The following CREB3L2 variants were observed in gnomAD, a reference collection of about 807,000 sequenced individuals.
CREB3L2 encodes cyclic AMP-responsive element-binding protein 3-like protein 2.
A neutral mutation model predicts 57.2 loss-of-function variants in CREB3L2; 23 were observed. The observed-to-expected ratio is 0.40, with a 90% CI of 0.29 to 0.57. The LOEUF (loss-of-function observed/expected upper bound fraction) is 0.57. Among genes scored for constraint, CREB3L2 ranks in the 20% least tolerant of loss-of-function variants. The pLI is 0.42. For missense variants in CREB3L2, 628 were observed against 634.7 expected, an observed-to-expected ratio of 0.99 and a Z score of 0.11; for synonymous variants, 268 against 265.1, an observed-to-expected ratio of 1.01 and a Z score of -0.11.
intron 1 of CREB3L2, among the ~76,000 whole-genome samples, chr7:137,995,994 C>A (rs1011285900): frequency 3.9e-5 from 6 of 152,106 alleles, no homozygotes; most frequent in Non-Finnish European, 8.8e-5. Flanking sequence ...AAGGGAAATC[C>A]TCTAGATCAT....
chr7:137,996,301 C>T (rs1801987501), intron 1 of CREB3L2, among the ~76,000 whole-genome samples: 1 of 152,190 alleles, frequency 6.6e-6, no homozygotes, highest in South Asian at 2.1e-4. Context: ...GGAAAGAGAA[C>T]ATTACAGTGA....
At chr7:137,908,570 G>T in intron 4 of CREB3L2, 134 bp from the exon 5 acceptor site, 1 of 500,126 alleles carries the variant, frequency 2.0e-6, no homozygotes, top group Non-Finnish European at 3.2e-6. Context: ...GCAGAGCGTG[G>T]ATATGGGAGT....
At chr7:137,892,435 G>C (rs928829166) in intron 8 of CREB3L2, among the ~76,000 whole-genome samples, 7 of 151,728 alleles carry the variant, frequency 4.6e-5, no homozygotes, top group Admixed American at 4.6e-4. Context: ...CGGATCACTT[G>C]AGGTCAGGAG....
At chr7:137,986,167 T>C (rs757962992) in intron 1 of CREB3L2, among the ~76,000 whole-genome samples, 6 of 152,230 alleles carry the variant, frequency 3.9e-5, no homozygotes, top group Non-Finnish European at 8.8e-5. Context: ...ATTGTAAGCC[T>C]AGACTCATTC....
intron 8 of CREB3L2, among the ~76,000 whole-genome samples, chr7:137,900,344 A>T (rs561453424): frequency 1.3e-5 from 2 of 152,314 alleles, no homozygotes; most frequent in African/African-American, 4.8e-5. Flanking sequence ...ATGGCATCTC[A>T]TAGGGCTAAA....
In CREB3L2 at chr7:137,884,484, G is replaced by A. The variant is rs1465764832; in HGVS notation, c.1270+511C>T. 7.1e-5 allele frequency: 13 copies of A among 182,808 alleles called. No homozygotes were observed. In the East Asian group the frequency reaches 1.0e-3, roughly 14 times the overall value. 11.3% of individuals were successfully genotyped at this position (182,808 alleles called of 1,614,324 possible). A position where few individuals can be genotyped will look rare whatever the true frequency, so the allele number is the denominator to read the frequency against. ...AGGATAGTCTCAATCTCCTGACCTC[G>A]TGATCTGCCCGCCTCGGCCTCCCAA... is the stretch of plus-strand genomic sequence containing the variant. On this transcript the variant is annotated intron_variant, in intron 10 of 11. Transcript: ENST00000330387.
intron 1 of CREB3L2, among the ~76,000 whole-genome samples, chr7:137,988,991 A>G (rs12707375): frequency 0.76 from 114,845 of 151,536 alleles, 48,143 homozygotes; most frequent in East Asian, 0.97. Flanking sequence ...GAGGGAAGGA[A>G]AAGAAAGAAA....
intron 9 of CREB3L2, 88 bp from the exon 10 acceptor site, chr7:137,885,209 C>A: frequency 1.4e-6 from 2 of 1,477,258 alleles, no homozygotes; most frequent in Non-Finnish European, 9.2e-7. Context: ...GGGACACAGA[C>A]TCTCCTCTTC....
At chr7:137,974,704 G>C (rs1180992628) in intron 1 of CREB3L2, among the ~76,000 whole-genome samples, 3 of 152,216 alleles carry the variant, frequency 2.0e-5, no homozygotes, top group Non-Finnish European at 4.4e-5. Context: ...CTATTCAAGA[G>C]GGAAGAGCCA....
chr7:137,913,506 C>CAAAAAAA (rs33940093), intron 3 of CREB3L2, among the ~76,000 whole-genome samples: 3 of 108,718 alleles, frequency 2.8e-5, no homozygotes, highest in African/African-American at 7.2e-5. Flanking sequence ...GACCCTATCT[C>CAAAAAAA]AAAAAAAAAA....
intron 1 of CREB3L2, among the ~76,000 whole-genome samples, chr7:137,930,488 A>G (rs273975): frequency 0.71 from 108,001 of 152,234 alleles, 39,363 homozygotes; most frequent in African/African-American, 0.88. Flanking sequence ...AGAAGGGAAG[A>G]TGGGAGATGT....
chr7:137,927,787 G>A (rs201899481), intron 2 of CREB3L2, among the ~76,000 whole-genome samples: 79 of 141,540 alleles, frequency 5.6e-4, no homozygotes, highest in Non-Finnish European at 5.7e-4. Context: ...TTCTTTCTCA[G>A]AAAAAAAAAA....
At chr7:137,957,031 A>T (rs1231555028) in intron 1 of CREB3L2, among the ~76,000 whole-genome samples, 1 of 150,890 alleles carries the variant, frequency 6.6e-6, no homozygotes, top group Non-Finnish European at 1.5e-5. Flanking sequence ...AAACTCATAA[A>T]ATGTTTTGTC....
chr7:137,914,874 T>C (rs932853291), intron 3 of CREB3L2, among the ~76,000 whole-genome samples: 1 of 152,120 alleles, frequency 6.6e-6, no homozygotes, highest in Non-Finnish European at 1.5e-5. Context: ...AGGTAGACAC[T>C]ACATCTTTTT....
At chr7:137,918,577 T>A (rs950901785) in intron 2 of CREB3L2, among the ~76,000 whole-genome samples, 1 of 152,248 alleles carries the variant, frequency 6.6e-6, no homozygotes, top group East Asian at 1.9e-4. Flanking sequence ...GGATGAAATA[T>A]AGCCTCAGTA....
chr7:137,891,600 A>T (rs1297486100), intron 8 of CREB3L2, among the ~76,000 whole-genome samples: 1 of 149,156 alleles, frequency 6.7e-6, no homozygotes, highest in Non-Finnish European at 1.5e-5. Context: ...TTTGAGACGG[A>T]GTTTCACTCT....
intron 1 of CREB3L2, among the ~76,000 whole-genome samples, chr7:137,972,508 A>G (rs1309911552): frequency 6.6e-6 from 1 of 150,614 alleles, no homozygotes; most frequent in East Asian, 1.9e-4. Context: ...TAATGAGGTA[A>G]TACTCTTTTT....
intron 1 of CREB3L2, among the ~76,000 whole-genome samples, chr7:137,975,963 G>A (rs1026841752): frequency 2.0e-5 from 3 of 152,182 alleles, no homozygotes; most frequent in Admixed American, 6.5e-5. Context: ...GTGGGAGGCC[G>A]AGCCAGATGA....
chr7:137,879,275 A>G lies in CREB3L2; in HGVS notation c.*1201T>C. On this transcript the variant is annotated 3_prime_UTR_variant, in exon 12 of 12. Coordinates refer to ENST00000330387, the MANE Select transcript of CREB3L2 (RefSeq NM_194071.4). ...CTACCAAAGGTAAGAATGTGGATAC[A>G]CAAATGTCACCTACCCCACCCTGCT... 1.9e-6 allele frequency: 1 copy of G among 533,808 alleles called. No homozygotes were observed. The highest frequency in any genetic ancestry group is 3.6e-6 in the Non-Finnish European group (1 of 275,406). The allele number at this position is 533,808 out of a possible 1,614,324, so 33.1% of individuals were successfully genotyped here. A position where few individuals can be genotyped will look rare whatever the true frequency, so the allele number is the denominator to read the frequency against.
Sources: gnomAD v4.1 joint callset for allele counts (sites outside exome capture counted in the v4.1 genomes callset) on GRCh38, gnomAD v4.1.1 for gene constraint, MANE v1.5 for transcripts, NCBI Gene and HGNC (gene_info 2026-07-23, HGNC 2026-07-21) for gene names.